The following POLR2F variants were observed in gnomAD, a reference collection of about 807,000 sequenced individuals.
POLR2F encodes the protein RNA polymerase II, I and III subunit F.
Under a neutral mutation model 22.7 loss-of-function variants are expected in POLR2F, and 12 were observed. That is an observed-to-expected ratio of 0.53 (90% CI 0.34 to 0.86). The LOEUF (loss-of-function observed/expected upper bound fraction) is 0.86. Among genes scored for constraint, POLR2F ranks in the 40% least tolerant of loss-of-function variants. POLR2F has a pLI of 0.02. For missense variants in POLR2F, 126 were observed against 171.5 expected (o/e 0.73, Z 1.48); for synonymous variants, 57 against 66.0 (o/e 0.86, Z 0.66).
intron 1 of POLR2F, among the ~76,000 whole-genome samples, chr22:37,992,383 GCTT>G (rs1016106196): frequency 9.2e-5 from 14 of 151,930 alleles, no homozygotes; most frequent in Middle Eastern, 3.4e-3. Flanking sequence ...AGTAGTCATT[GCTT>G]CTTCTTTTTT....
intron 1 of POLR2F, among the ~76,000 whole-genome samples, chr22:37,989,281 A>T (rs1932672110): frequency 6.6e-6 from 1 of 152,204 alleles, no homozygotes; most frequent in Admixed American, 6.5e-5. Flanking sequence ...GAATACACAC[A>T]CACATCTCCC....
intron 1 of POLR2F, among the ~76,000 whole-genome samples, chr22:38,005,269 T>A (rs1601902684): frequency 6.6e-6 from 1 of 152,340 alleles, no homozygotes; most frequent in South Asian, 2.1e-4. Flanking sequence ...ACTACAGGTG[T>A]GTAACACCAT....
At position 38,017,191 on chromosome 22, in the gene POLR2F, A is replaced by C. The variant is rs1172214563; in HGVS notation, c.121-8678A>C. 6.6e-6 allele frequency among the ~76,000 whole-genome samples: 1 copy of C among 152,158 alleles called. No individual in the cohort carries two copies. Among genetic ancestry groups the C allele is most frequent in the Non-Finnish European group, 1.5e-5 (1 of 67,998 alleles). Reference sequence around the variant, plus strand: ...CTAGGTCTGGGTGCCTAAAGCCTGCAAAACTGGTGTGCTGGGGAAGAAAGG... The same window carrying C: ...CTAGGTCTGGGTGCCTAAAGCCTGCCAAACTGGTGTGCTGGGGAAGAAAGG... On this transcript the variant is annotated intron_variant, in intron 1 of 2. Transcript: ENST00000333418. This position sits in a 1 kb window ranked among gnomAD's most constrained non-coding sequence, Gnocchi z 4.1.
intron 1 of POLR2F, among the ~76,000 whole-genome samples, chr22:38,023,591 G>A (rs1177778329): frequency 6.6e-6 from 1 of 151,890 alleles, no homozygotes. Context: ...TCATCTTCCC[G>A]AACTGAAACT....
intron 1 of POLR2F, among the ~76,000 whole-genome samples, chr22:38,009,877 A>G (rs779491170): frequency 1.5e-4 from 23 of 152,210 alleles, no homozygotes; most frequent in Non-Finnish European, 3.1e-4. Context: ...ACAGAAGAAT[A>G]TGTCATTGTA....
chr22:38,018,341 C>T (rs751512812), intron 1 of POLR2F, among the ~76,000 whole-genome samples: 2 of 152,214 alleles, frequency 1.3e-5, no homozygotes, highest in East Asian at 1.9e-4. Flanking sequence ...AGCGTTCATT[C>T]TGGACTTAGG....
At chr22:38,037,299 G>A (rs886232388) in intron 5 of POLR2F, among the ~76,000 whole-genome samples, 3 of 148,344 alleles carry the variant, frequency 2.0e-5, no homozygotes, top group African/African-American at 7.9e-5. Context: ...TTTGAGACAA[G>A]GTGTCACTCT....
chr22:37,954,492 C>A (rs1009329627), intron 1 of POLR2F, among the ~76,000 whole-genome samples: 1 of 152,006 alleles, frequency 6.6e-6, no homozygotes, highest in East Asian at 1.9e-4. Context: ...TTAGTAGAGA[C>A]GGGTTTCACC....
At chr22:37,971,575 ACTGT>A (rs1458990604), downstream of POLR2F, among the ~76,000 whole-genome samples, 1 of 152,062 alleles carries the variant, frequency 6.6e-6, no homozygotes, top group Non-Finnish European at 1.5e-5. Context: ...TAAGGAGTAG[ACTGT>A]CTGACATCCT....
chr22:38,012,589 C>T (rs761436425), intron 1 of POLR2F, among the ~76,000 whole-genome samples: 7 of 152,016 alleles, frequency 4.6e-5, no homozygotes, highest in Non-Finnish European at 8.8e-5. Flanking sequence ...CCATTAATGT[C>T]GTTGTTGTTG....
At chr22:38,031,377 C>T (rs2085064090), downstream of POLR2F, among the ~76,000 whole-genome samples, 1 of 152,124 alleles carries the variant, frequency 6.6e-6, no homozygotes, top group Admixed American at 6.5e-5. This position sits in a 1 kb window ranked among gnomAD's most constrained non-coding sequence, Gnocchi z 4.1. Context: ...TACCCACGTC[C>T]CCCCACAAGG....
chr22:37,971,030 TG>T, downstream of POLR2F: 1 of 331,488 alleles, frequency 3.0e-6, no homozygotes, highest in South Asian at 2.3e-5. Flanking sequence ...TTGGCCACCC[TG>T]GGGACTGGGC....
chr22:37,960,958 C>G (rs2145738067), intron 3 of POLR2F, among the ~76,000 whole-genome samples: 1 of 151,352 alleles, frequency 6.6e-6, no homozygotes, highest in Admixed American at 6.6e-5. Flanking sequence ...ACGCCATTCT[C>G]CTGCCTCAGC....
At chr22:37,989,175 A>G (rs749549077) in intron 1 of POLR2F, among the ~76,000 whole-genome samples, 2 of 152,188 alleles carry the variant, frequency 1.3e-5, no homozygotes, top group Non-Finnish European at 2.9e-5. Flanking sequence ...TAGGCAGATC[A>G]CGCTATTAAC....
chr22:38,020,811 T>TCCACCC (rs923819354), intron 1 of POLR2F, among the ~76,000 whole-genome samples: 1 of 151,956 alleles, frequency 6.6e-6, no homozygotes, highest in Non-Finnish European at 1.5e-5. Flanking sequence ...CCCCTCCACC[T>TCCACCC]CCACCCCCTC....
chr22:37,977,487 A>C (rs376974278), intron 4 of POLR2F, among the ~76,000 whole-genome samples: 14 of 151,684 alleles, frequency 9.2e-5, no homozygotes, highest in African/African-American at 3.4e-4. Flanking sequence ...CGCCCAGCTA[A>C]TTTTTTTTAT....
At chr22:37,953,913 G>C (rs1931237748) in intron 1 of POLR2F, 106 bp downstream of exon 1, 2 of 1,341,974 alleles carry the variant, frequency 1.5e-6, no homozygotes, top group African/African-American at 1.4e-5. Flanking sequence ...TGTCTGAGGG[G>C]ACTGGGGTCC....
At position 38,037,404 on chromosome 22, in the gene POLR2F, G is replaced by A. The variant is rs565979178; in HGVS notation, c.453-3664G>A. Among the ~76,000 whole-genome samples the A allele has an allele frequency of 4.6e-5, 7 of 151,508 alleles. No individual in the cohort carries two copies. The South Asian group carries it at 1.5e-3, about 32-fold the overall frequency. Reference sequence around the variant, plus strand: ...TCCTCCCGCCTCAGCCTCTAGAGTAGCTGGGACTACAGGTGCACACCACCA... The same window carrying A: ...TCCTCCCGCCTCAGCCTCTAGAGTAACTGGGACTACAGGTGCACACCACCA... On this transcript the variant is annotated intron_variant, in intron 5 of 5. Transcript: ENST00000407936.
chr22:37,972,141 GGA>G, downstream of POLR2F: 1 of 416,490 alleles, frequency 2.4e-6, no homozygotes. Flanking sequence ...GAGAGAGAGA[GGA>G]GGGGGGAGGG....
Sources: allele counts gnomAD v4.1 joint callset (sites outside exome capture counted in the v4.1 genomes callset), GRCh38; gene constraint gnomAD v4.1.1; non-coding constraint Gnocchi (gnomAD v3.1); transcripts MANE v1.5; gene names NCBI Gene and HGNC (gene_info 2026-07-23, HGNC 2026-07-21).